The following BLM variants were observed in gnomAD, a reference collection of about 807,000 sequenced individuals.
BLM encodes the protein BLM RecQ like helicase.
In BLM, 95 loss-of-function variants were observed where a neutral mutation model predicts 135.3. The observed-to-expected ratio is 0.70, with a 90% CI of 0.59 to 0.83. BLM has a LOEUF of 0.83. BLM is among the 40% of genes least tolerant of loss of function. The pLI, the probability that BLM is intolerant of heterozygous loss-of-function variation, is 0.00. For missense variants in BLM, 1,518 were observed against 1,663.9 expected (o/e 0.91, Z 1.53); for synonymous variants, 520 against 589.2 (o/e 0.88, Z 1.70).
chr15:90,790,001 T>G (rs796333505), intron 14 of BLM, among the ~76,000 whole-genome samples: 81 of 100,534 alleles, frequency 8.1e-4, no homozygotes, highest in Middle Eastern at 4.0e-3. Context: ...TTTTTTTTTT[T>G]TTTTTTTTTT....
chr15:90,759,098 ATTAT>A (rs1895892238), intron 5 of BLM, among the ~76,000 whole-genome samples: 1 of 152,236 alleles, frequency 6.6e-6, no homozygotes, highest in South Asian at 2.1e-4. Context: ...CCCAAGAAAT[ATTAT>A]TTATTAAATA....
chr15:90,760,997 G>T lies in BLM; in HGVS notation c.1624G>T (p.Asp542Tyr), dbSNP rs1555419932. 6.2e-7 allele frequency: 1 copy of T among 1,608,414 alleles called. No individual in the cohort carries two copies. The highest frequency in any genetic ancestry group is 1.1e-5 in the South Asian group (1 of 89,760). ...DQNKHTASIN[D>Y]LERETQPSYD... ...GAATAAACATACTGCTTCAATAAAT[G>T]ACTTAGAAAGAGAAACCCAACCTTC... Residue 542 changes from aspartate to tyrosine, a missense_variant, in exon 7 of 22, where the codon GAC becomes TAC. Asp to Tyr is a radical substitution (Grantham distance 160). Around this residue, in one of 5 missense-constraint regions of BLM, gnomAD observed 724 missense variants for 756.9 expected, o/e 0.96. Transcript: ENST00000355112.
intron 15 of BLM, among the ~76,000 whole-genome samples, chr15:90,792,114 G>A (rs1485984556): frequency 7.3e-6 from 1 of 137,752 alleles, no homozygotes; most frequent in Non-Finnish European, 1.5e-5. Context: ...TTTTTGAGAC[G>A]GAGTCTCGCT....
At position 90,809,102 on chromosome 15, in the gene BLM, A is replaced by G. The variant is rs1315194376; in HGVS notation, c.3752-35A>G. On this transcript the variant is annotated intron_variant, in intron 19 of 21. Coordinates refer to ENST00000355112, the MANE Select transcript of BLM (RefSeq NM_000057.4). ...GAATTCAGTGGGTTTTCTATGGGTGATAATTTAAATTCCTAATTTTATGCC... is the reference window on the plus strand; with the variant it reads ...GAATTCAGTGGGTTTTCTATGGGTGGTAATTTAAATTCCTAATTTTATGCC... The G allele has an allele frequency of 1.9e-6, 3 of 1,613,362 alleles. No individual in the cohort carries two copies. In the South Asian group the frequency reaches 3.3e-5, roughly 18 times the overall value.
chr15:90,793,894 A>T (rs1276577887), intron 15 of BLM: 1 of 231,724 alleles, frequency 4.3e-6, no homozygotes, highest in East Asian at 1.0e-4. Context: ...TGCTCGACTG[A>T]TAAATACAGC....
chr15:90,754,914 C>G lies in BLM; in HGVS notation c.1063C>G (p.Pro355Ala), dbSNP rs1895778825. 6.2e-7 allele frequency: 1 copy of G among 1,613,918 alleles called. No individual in the cohort carries two copies. ...GAAAATGAGTATGCAGGAGCTGAAT[C>G]CAGAAACCAGCACAGACTGTGACGG... ...PEKMSMQELNPETSTDCDARQ... is the reference protein window; with the variant it reads ...PEKMSMQELNAETSTDCDARQ... Residue 355 changes from proline to alanine, a missense_variant, in exon 5 of 22, where the codon CCA becomes GCA. By Grantham distance (27) the Pro-to-Ala change is conservative. Coordinates refer to ENST00000355112, the MANE Select transcript of BLM (RefSeq NM_000057.4).
At position 90,769,129 on chromosome 15, in the gene BLM, C is replaced by T; in HGVS notation, c.2308-4C>T. ...TTTACATGTCTAATGTATTTCTGGC[C>T]TAGATCTGTGCAAGTAACAGACTCA... On this transcript the variant is annotated splice_region_variant and splice_polypyrimidine_tract_variant and intron_variant, in intron 10 of 21. Coordinates refer to ENST00000355112, the MANE Select transcript of BLM (RefSeq NM_000057.4). 6.2e-7 allele frequency: 1 copy of T among 1,600,006 alleles called. No homozygotes were observed. Among genetic ancestry groups the T allele is most frequent in the Non-Finnish European group, 8.6e-7 (1 of 1,167,184 alleles).
intron 5 of BLM, chr15:90,755,155 T>C: frequency 1.7e-6 from 1 of 577,962 alleles, no homozygotes; most frequent in Non-Finnish European, 3.0e-6. Flanking sequence ...CATTCCCCAT[T>C]TTGAAAATGC....
intron 12 of BLM, among the ~76,000 whole-genome samples, chr15:90,778,532 C>T (rs1044007369): frequency 2.6e-5 from 4 of 152,230 alleles, no homozygotes; most frequent in African/African-American, 9.6e-5. Flanking sequence ...TTTCCCCTCA[C>T]ATCCCCATCC....
chr15:90,778,987 G>C (rs926126743), intron 12 of BLM, among the ~76,000 whole-genome samples: 2 of 150,864 alleles, frequency 1.3e-5, no homozygotes, highest in African/African-American at 2.4e-5. Flanking sequence ...CCAGGTTCAA[G>C]TGATTCTTCT....
intron 1 of BLM, among the ~76,000 whole-genome samples, chr15:90,730,090 G>A (rs775112182): frequency 9.9e-5 from 15 of 152,018 alleles, no homozygotes; most frequent in African/African-American, 3.6e-4. Flanking sequence ...TCCTGACCTC[G>A]TGATCCACCC....
intron 2 of BLM, 80 bp downstream of exon 2, chr15:90,747,570 C>T (rs896198605): frequency 3.7e-5 from 33 of 898,282 alleles, no homozygotes; most frequent in Non-Finnish European, 5.4e-5. Context: ...TCTTTAAACT[C>T]CCCCATTGTA....
chr15:90,803,778 A>G, intron 18 of BLM, 58 bp downstream of exon 18: 1 of 1,510,840 alleles, frequency 6.6e-7, no homozygotes, highest in Middle Eastern at 2.0e-4. Flanking sequence ...AAAATATATT[A>G]TTGTGAAGTA....
rs562653818 is a variant in BLM, at chr15:90,717,854, G to A, written c.-5+414G>A. 2.0e-5 allele frequency among the ~76,000 whole-genome samples: 3 copies of A among 152,314 alleles called. 1 individual carries two copies. The South Asian group carries it at 6.2e-4, about 32-fold the overall frequency. Reference sequence around the variant, plus strand: ...TTTTTCTGTGGCCTTCCATAATCACGAGCTGGGCTACTCTTGTTTTTGAGT... The same window carrying A: ...TTTTTCTGTGGCCTTCCATAATCACAAGCTGGGCTACTCTTGTTTTTGAGT... On this transcript the variant is annotated intron_variant, in intron 1 of 21. Coordinates refer to ENST00000355112, the MANE Select transcript of BLM (RefSeq NM_000057.4).
chr15:90,779,447 G>A (rs1896564942), intron 12 of BLM, among the ~76,000 whole-genome samples: 1 of 152,122 alleles, frequency 6.6e-6, no homozygotes, highest in African/African-American at 2.4e-5. Flanking sequence ...AGAGACTCAT[G>A]CACCGTTTCC....
intron 17 of BLM, 43 bp from the exon 18 acceptor site, chr15:90,803,478 A>T: frequency 6.4e-7 from 1 of 1,559,936 alleles, no homozygotes. Context: ...GGGTGATGAT[A>T]TACGTACATT....
intron 16 of BLM, among the ~76,000 whole-genome samples, chr15:90,797,938 ATG>A (rs762217247): frequency 1.3e-5 from 2 of 152,138 alleles, no homozygotes; most frequent in African/African-American, 2.4e-5. Context: ...TGTGTTATAT[ATG>A]TGTTTCTACC....
At chr15:90,738,425 T>G (rs1895275323) in intron 1 of BLM, among the ~76,000 whole-genome samples, 1 of 151,976 alleles carries the variant, frequency 6.6e-6, no homozygotes, top group East Asian at 1.9e-4. Context: ...AATTTAAAAA[T>G]TTGCCAGGTG....
intron 10 of BLM, among the ~76,000 whole-genome samples, chr15:90,767,429 T>C (rs1896164408): frequency 6.6e-6 from 1 of 152,240 alleles, no homozygotes; most frequent in South Asian, 2.1e-4. Flanking sequence ...TCCCAGATCA[T>C]GCATGCATTC....
Sources: allele counts gnomAD v4.1 joint callset (sites outside exome capture counted in the v4.1 genomes callset), GRCh38; gene constraint gnomAD v4.1.1; regional missense constraint gnomAD v4.1.1; transcripts MANE v1.5; gene names NCBI Gene and HGNC (gene_info 2026-07-23, HGNC 2026-07-21).